Variants in TOPAZ1 observed in about 807,000 individuals in gnomAD.
The protein encoded by TOPAZ1 is testis and ovary specific TOPAZ 1.
In TOPAZ1, 66 loss-of-function variants were observed where a neutral mutation model predicts 172.2. The ratio of observed to expected loss-of-function variants is 0.38; its 90% CI spans 0.31 to 0.47. TOPAZ1 has a LOEUF of 0.47. Ranked by LOEUF, TOPAZ1 falls within the 20% of genes least tolerant of loss-of-function variation. The pLI, the probability that TOPAZ1 is intolerant of heterozygous loss-of-function variation, is 0.99. For synonymous variants in TOPAZ1, 681 were observed against 683.9 expected (o/e 1.00, Z 0.07); for missense variants, 1,822 against 1,972.4 (o/e 0.92, Z 1.44).
chr3:44,332,366 T>C (rs1700680547), downstream of TOPAZ1, among the ~76,000 whole-genome samples: 1 of 152,146 alleles, frequency 6.6e-6, no homozygotes, highest in African/African-American at 2.4e-5. Flanking sequence ...TTTAGGGGTA[T>C]GAAATAGGTT....
intron 8 of TOPAZ1, among the ~76,000 whole-genome samples, chr3:44,277,182 A>C (rs1346404355): frequency 6.6e-6 from 1 of 152,078 alleles, no homozygotes; most frequent in African/African-American, 2.4e-5. Flanking sequence ...CTCTTTCATC[A>C]GTGCCTTGTG....
intron 15 of TOPAZ1, among the ~76,000 whole-genome samples, chr3:44,307,221 C>T (rs928591899): frequency 1.3e-5 from 2 of 152,020 alleles, no homozygotes; most frequent in African/African-American, 4.8e-5. Context: ...AGGGTTTCTC[C>T]ATGTTGGTCA....
At position 44,242,010 on chromosome 3, in the gene TOPAZ1, G is replaced by T. The variant is rs1311520663; in HGVS notation, c.-44G>T. On this transcript the variant is annotated 5_prime_UTR_variant, in exon 1 of 20. Transcript: ENST00000309765. ...AGCGTTTGCACCGCGGTGGGTTCCTGCGAGCTGGTGCAGAGGGGCCCCAGC... is the reference window on the plus strand; with the variant it reads ...AGCGTTTGCACCGCGGTGGGTTCCTTCGAGCTGGTGCAGAGGGGCCCCAGC... 1.3e-6 allele frequency: 2 copies of T among 1,520,614 alleles called. No individual in the cohort carries two copies. The allele number at this position is 1,520,614 out of a possible 1,614,324, so 94.2% of individuals were successfully genotyped here. A position where few individuals can be genotyped will look rare whatever the true frequency, so the allele number is the denominator to read the frequency against.
At chr3:44,261,689 A>G (rs1699777334) in intron 4 of TOPAZ1, among the ~76,000 whole-genome samples, 1 of 152,142 alleles carries the variant, frequency 6.6e-6, no homozygotes, top group African/African-American at 2.4e-5. Flanking sequence ...TAGTTCTGTG[A>G]ACAATGTCAT....
chr3:44,315,623 T>G (rs186568434), intron 16 of TOPAZ1, among the ~76,000 whole-genome samples: 84 of 151,364 alleles, frequency 5.5e-4, no homozygotes, highest in Middle Eastern at 3.4e-3. Context: ...CCGCCCACCT[T>G]GGCCTCCCAA....
intron 5 of TOPAZ1, among the ~76,000 whole-genome samples, chr3:44,265,765 G>A (rs1042215021): frequency 6.6e-6 from 1 of 152,080 alleles, no homozygotes; most frequent in African/African-American, 2.4e-5. Context: ...TCATTTATAG[G>A]GCACAGAAAG....
chr3:44,280,241 G>A (rs1245176773), intron 8 of TOPAZ1, among the ~76,000 whole-genome samples: 1 of 150,938 alleles, frequency 6.6e-6, no homozygotes, highest in East Asian at 1.9e-4. Flanking sequence ...GTCTGATGGA[G>A]ATTTCTTTAT....
intron 15 of TOPAZ1, among the ~76,000 whole-genome samples, chr3:44,309,094 G>A (rs1700367974): frequency 6.6e-6 from 1 of 152,158 alleles, no homozygotes; most frequent in East Asian, 1.9e-4. Context: ...GGCCTGCAAA[G>A]CCTAAGCTAC....
At chr3:44,262,632 T>G in intron 5 of TOPAZ1, 149 bp downstream of exon 5, 1 of 416,830 alleles carries the variant, frequency 2.4e-6, no homozygotes, top group East Asian at 3.7e-5. Flanking sequence ...GTGTCAGATG[T>G]ACTCAGGTGT....
chr3:44,298,907 ATATTTTTTTTTTTT>A (rs1221979603), intron 12 of TOPAZ1, among the ~76,000 whole-genome samples: 1 of 13,540 alleles, frequency 7.4e-5, no homozygotes, highest in African/African-American at 4.1e-4. Flanking sequence ...ATATATATAT[ATATTTTTTTTTTTT>A]TTTTTTTTTT....
chr3:44,305,021 A>T, intron 13 of TOPAZ1, 126 bp from the exon 14 acceptor site: 1 of 645,318 alleles, frequency 1.5e-6, no homozygotes, highest in East Asian at 3.0e-5. Flanking sequence ...TAAGATGTGC[A>T]GATTTTGTCT....
Position 44,306,323 on chromosome 3 carries a change from C to A in TOPAZ1, c.4040-3C>A. On this transcript the variant is annotated splice_region_variant and splice_polypyrimidine_tract_variant and intron_variant, in intron 14 of 19. Coordinates refer to ENST00000309765, the MANE Select transcript of TOPAZ1 (RefSeq NM_001145030.2). ...TTCTTTTGTATGCCTATTTGTGTTT[C>A]AGTTAGCAAAGATCCACAAAACAGT... 6.5e-7 allele frequency: 1 copy of A among 1,536,114 alleles called. No homozygotes were observed.
chr3:44,321,983 C>T (rs1454932715), intron 17 of TOPAZ1, among the ~76,000 whole-genome samples: 2 of 151,956 alleles, frequency 1.3e-5, no homozygotes, highest in Non-Finnish European at 2.9e-5. Context: ...TTTGGAAGAC[C>T]CTAAATGTCA....
intron 16 of TOPAZ1, among the ~76,000 whole-genome samples, chr3:44,312,499 TTACA>T (rs1260069005): frequency 6.6e-6 from 1 of 152,126 alleles, no homozygotes; most frequent in Admixed American, 6.5e-5. Context: ...AAAGATGGAG[TTACA>T]TACATTACTC....
At chr3:44,257,963 A>G (rs1409956503) in intron 4 of TOPAZ1, among the ~76,000 whole-genome samples, 1 of 152,138 alleles carries the variant, frequency 6.6e-6, no homozygotes, top group Non-Finnish European at 1.5e-5. Flanking sequence ...GAGGTTGGCT[A>G]GAGGATTATT....
downstream of TOPAZ1, among the ~76,000 whole-genome samples, chr3:44,335,490 G>A (rs1456966225): frequency 6.6e-6 from 1 of 152,098 alleles, no homozygotes; most frequent in Non-Finnish European, 1.5e-5. Context: ...TGGGCGCGGT[G>A]GTGCACACCT....
At chr3:44,257,371 G>A (rs1247074817) in intron 4 of TOPAZ1, among the ~76,000 whole-genome samples, 2 of 114,032 alleles carry the variant, frequency 1.8e-5, no homozygotes, top group Non-Finnish European at 3.9e-5. Flanking sequence ...GTGTGTGTGT[G>A]TGTGTGTGTG....
chr3:44,288,429 A>G (rs1433981127), intron 11 of TOPAZ1, among the ~76,000 whole-genome samples: 1 of 152,168 alleles, frequency 6.6e-6, no homozygotes, highest in Non-Finnish European at 1.5e-5. Flanking sequence ...CACGCCTGTA[A>G]TCCTAACACT....
chr3:44,254,450 A>G (rs574814126), intron 2 of TOPAZ1, among the ~76,000 whole-genome samples: 4 of 152,130 alleles, frequency 2.6e-5, no homozygotes, highest in Admixed American at 6.5e-5. Flanking sequence ...CAACATGGCA[A>G]AACCCCGTCT....
Sources: allele counts gnomAD v4.1 joint callset (sites outside exome capture counted in the v4.1 genomes callset), GRCh38; gene constraint gnomAD v4.1.1; transcripts MANE v1.5; gene names NCBI Gene and HGNC (gene_info 2026-07-23, HGNC 2026-07-21).